PPP1R12B: variants seen among roughly 807,000 people sequenced by gnomAD.
PPP1R12B encodes the protein myosin phosphatase target subunit 2.
PPP1R12B carries 76 observed loss-of-function variants against 126.1 expected under a neutral mutation model. The ratio of observed to expected loss-of-function variants is 0.60; its 90% confidence interval spans 0.50 to 0.73. The LOEUF (loss-of-function observed/expected upper bound fraction) is 0.73, where lower values mean the gene tolerates loss of function less well. Ranked by LOEUF, PPP1R12B falls within the 30% of genes least tolerant of loss-of-function variation. The probability of loss-of-function intolerance (pLI) is 0.00; values close to 1 mark genes in which losing one functional copy is unlikely to be tolerated. For synonymous variants in PPP1R12B, 356 were observed against 434.7 expected, an observed-to-expected ratio of 0.82 and a Z score of 2.25; for missense variants, 1,052 against 1,205.1, an observed-to-expected ratio of 0.87 and a Z score of 1.88.
rs530336624 is a variant in PPP1R12B at position 202,475,404 on chromosome 1, G to C, written c.1851-13129G>C. ...GGAGTGTTGATTATGACAGACTTTTGGGAAATGTCAGGGGATGCTAGGAGA... is the reference window on the plus strand; with the variant it reads ...GGAGTGTTGATTATGACAGACTTTTCGGAAATGTCAGGGGATGCTAGGAGA... On this transcript the variant is annotated intron_variant, in intron 13 of 23. Coordinates refer to ENST00000608999, the MANE Select transcript of PPP1R12B (RefSeq NM_002481.4). Among the ~76,000 whole-genome samples, 8 of 152,272 alleles carry C rather than the reference G, an allele frequency of 5.3e-5. No individual in the cohort carries two copies. The South Asian group carries it at 1.5e-3, about 28-fold the overall frequency.
intron 18 of PPP1R12B, among the ~76,000 whole-genome samples, chr1:202,517,650 G>T (rs551682730): frequency 6.6e-6 from 1 of 150,448 alleles, no homozygotes; most frequent in South Asian, 2.1e-4. Flanking sequence ...TTTTGAGACA[G>T]AGTCTTGCTC....
chr1:202,436,235 C>G (rs575356331), intron 9 of PPP1R12B, among the ~76,000 whole-genome samples: 61 of 152,134 alleles, frequency 4.0e-4, no homozygotes, highest in African/African-American at 1.4e-3. Context: ...CATTGCACTC[C>G]AGCCTGGGCA....
At chr1:202,376,531 C>T (rs1163009342) in intron 1 of PPP1R12B, among the ~76,000 whole-genome samples, 9 of 152,000 alleles carry the variant, frequency 5.9e-5, no homozygotes, top group Admixed American at 5.9e-4. Flanking sequence ...TGGATAGAAA[C>T]GTGAGTGGTA....
chr1:202,404,340 C>A (rs1337282741), intron 1 of PPP1R12B, among the ~76,000 whole-genome samples: 1 of 152,112 alleles, frequency 6.6e-6, no homozygotes, highest in African/African-American at 2.4e-5. Context: ...TCTATGCATG[C>A]ATAGAATTCT....
chr1:202,471,150 A>G (rs1675817863), intron 13 of PPP1R12B, among the ~76,000 whole-genome samples: 1 of 152,154 alleles, frequency 6.6e-6, no homozygotes, highest in African/African-American at 2.4e-5. Context: ...TTTCATTTGC[A>G]TACTTATATA....
At chr1:202,406,098 G>A (rs1666564260) in intron 1 of PPP1R12B, among the ~76,000 whole-genome samples, 1 of 152,140 alleles carries the variant, frequency 6.6e-6, no homozygotes, top group Non-Finnish European at 1.5e-5. Context: ...CATTGCCCAT[G>A]CCATAGCTTT....
At chr1:202,358,652 A>T (rs983686039) in intron 1 of PPP1R12B, among the ~76,000 whole-genome samples, 6 of 151,240 alleles carry the variant, frequency 4.0e-5, no homozygotes, top group Admixed American at 2.0e-4. Context: ...ACTGCACTCC[A>T]GCCTGGGTGA....
At chr1:202,487,567 A>T (rs1678313301) in intron 13 of PPP1R12B, among the ~76,000 whole-genome samples, 1 of 152,206 alleles carries the variant, frequency 6.6e-6, no homozygotes, top group South Asian at 2.1e-4. Context: ...TACATTTACA[A>T]ACACAATAGT....
chr1:202,484,815 C>T (rs1281474483), intron 13 of PPP1R12B, among the ~76,000 whole-genome samples: 3 of 152,124 alleles, frequency 2.0e-5, no homozygotes, highest in Admixed American at 6.5e-5. Flanking sequence ...TATATCATCT[C>T]ATTCTCTCCT....
At chr1:202,515,359 A>T (rs1205324373) in intron 18 of PPP1R12B, among the ~76,000 whole-genome samples, 1 of 152,202 alleles carries the variant, frequency 6.6e-6, no homozygotes, top group African/African-American at 2.4e-5. Context: ...AAACTTTCAA[A>T]GACTCAATGT....
intron 1 of PPP1R12B, among the ~76,000 whole-genome samples, chr1:202,397,362 G>T (rs1665140252): frequency 1.3e-5 from 2 of 151,886 alleles, no homozygotes. Context: ...CTCTTCTCTG[G>T]TTATACCACC....
intron 18 of PPP1R12B, among the ~76,000 whole-genome samples, chr1:202,546,475 G>A (rs1390400623): frequency 1.3e-5 from 2 of 152,082 alleles, no homozygotes; most frequent in East Asian, 1.9e-4. Flanking sequence ...ATTGTGGCAC[G>A]TGCCTATACT....
At chr1:202,491,612 G>A (rs780151565) in intron 14 of PPP1R12B, among the ~76,000 whole-genome samples, 1 of 152,142 alleles carries the variant, frequency 6.6e-6, no homozygotes, top group Non-Finnish European at 1.5e-5. Context: ...GCTCTGGAAT[G>A]ATTTCAAGTT....
At position 202,592,085 on chromosome 1, in the gene PPP1R12B, G is replaced by T. The variant is rs1690138505; in HGVS notation, c.*11525G>T. 6.5e-6 allele frequency: 1 copy of T among 152,770 alleles called. No individual in the cohort carries two copies. The highest frequency in any genetic ancestry group is 6.5e-5 in the Admixed American group (1 of 15,292). The allele number at this position is 152,770 out of a possible 1,614,324, so 9.5% of individuals were successfully genotyped here. A position where few individuals can be genotyped will look rare whatever the true frequency, so the allele number is the denominator to read the frequency against. ...GGGGAGCCAGTTGGAGAGACATGGG[G>T]GCTCCTGGGAGGAGCCAAGGGAGGC... On this transcript the variant is annotated 3_prime_UTR_variant, in exon 24 of 24. Coordinates refer to ENST00000608999, the MANE Select transcript of PPP1R12B (RefSeq NM_002481.4).
rs577275359 is a variant in PPP1R12B at position 202,592,457 on chromosome 1, C to T, written c.*11897C>T. 1 of 152,414 alleles carries T rather than the reference C, an allele frequency of 6.6e-6. No individual in the cohort carries two copies. Among genetic ancestry groups the T allele is most frequent in the Admixed American group, 6.5e-5 (1 of 15,308 alleles). 9.4% of individuals were successfully genotyped at this position (152,414 alleles called of 1,614,324 possible). A position where few individuals can be genotyped will look rare whatever the true frequency, so the allele number is the denominator to read the frequency against. On this transcript the variant is annotated 3_prime_UTR_variant, in exon 24 of 24. Transcript: ENST00000608999. ...CATAAAATCAAAGGAGCAGCCTCAA[C>T]CAGTTCTGTAAAATGGGTTTGAGGT...
At position 202,564,501 on chromosome 1, in the gene PPP1R12B, A is replaced by C; in HGVS notation, c.2711A>C (p.Gln904Pro). The C allele has an allele frequency of 6.2e-7, 1 of 1,612,882 alleles. No individual in the cohort carries two copies. The highest frequency in any genetic ancestry group is 8.5e-7 in the Non-Finnish European group (1 of 1,179,518). Residue 904 changes from glutamine (Q) to proline (P), a missense_variant, in exon 21 of 24, where the codon CAG becomes CCG. Coordinates refer to ENST00000608999, the MANE Select transcript of PPP1R12B (RefSeq NM_002481.4). The part of the protein sequence containing the change: ...QKLKTKLQEA[Q>P]LELADIKSKL... ...CTGAAAACAAAACTTCAGGAAGCCC[A>C]GCTAGAGCTAGCAGATATAAAGTCC... is the stretch of plus-strand genomic sequence containing the variant.
rs1011387173 is a variant in PPP1R12B, at chr1:202,508,387, A to T, written c.2490+11565A>T. Among the ~76,000 whole-genome samples, 1 of 152,208 alleles carries T rather than the reference A, an allele frequency of 6.6e-6. No individual in the cohort carries two copies. The highest frequency in any genetic ancestry group is 1.5e-5 in the Non-Finnish European group (1 of 68,032). ...TACAACCTGAACTCTTACACCTTAA[A>T]CTATGTCAGTATTATTGGCTACCAA... On this transcript the variant is annotated intron_variant, in intron 18 of 23. Coordinates refer to ENST00000608999, the MANE Select transcript of PPP1R12B (RefSeq NM_002481.4). The surrounding 1 kb of genome is among the most constrained non-coding windows in gnomAD (Gnocchi z 4.5).
chr1:202,441,687 A>G (rs1671634877), intron 11 of PPP1R12B, among the ~76,000 whole-genome samples: 1 of 152,066 alleles, frequency 6.6e-6, no homozygotes, highest in African/African-American at 2.4e-5. Context: ...ACTTTCCTGG[A>G]TACCTTTTCA....
At chr1:202,412,414 G>A (rs1470414452) in intron 1 of PPP1R12B, among the ~76,000 whole-genome samples, 1 of 152,224 alleles carries the variant, frequency 6.6e-6, no homozygotes, top group East Asian at 1.9e-4. Flanking sequence ...GGGGAGGAAA[G>A]AGAAAAGACA....
Sources: allele counts gnomAD v4.1 joint callset (sites outside exome capture counted in the v4.1 genomes callset), GRCh38; gene constraint gnomAD v4.1.1; non-coding constraint Gnocchi (gnomAD v3.1); transcripts MANE v1.5; gene names NCBI Gene and HGNC (gene_info 2026-07-23, HGNC 2026-07-21).